ZBTB20: variants seen among roughly 807,000 people sequenced by gnomAD.
ZBTB20 encodes the protein zinc finger and BTB domain-containing protein 20.
ZBTB20 carries 9 observed loss-of-function variants against 56.9 expected under a neutral mutation model. The observed-to-expected ratio is 0.16, with a 90% CI of 0.10 to 0.28. The LOEUF (loss-of-function observed/expected upper bound fraction) is 0.28. Ranked by LOEUF, ZBTB20 falls within the 10% of genes least tolerant of loss-of-function variation. ZBTB20 has a pLI of 1.00. For missense variants in ZBTB20, 655 were observed against 1,003.0 expected (o/e 0.65, Z 4.69); for synonymous variants, 417 against 420.7 (o/e 0.99, Z 0.11).
intron 1 of ZBTB20, among the ~76,000 whole-genome samples, chr3:115,146,847 G>A (rs981006161): frequency 1.3e-5 from 2 of 152,072 alleles, no homozygotes; most frequent in Non-Finnish European, 2.9e-5. Context: ...GTAGAGAGAA[G>A]AAGGCAGAAG....
intron 7 of ZBTB20, among the ~76,000 whole-genome samples, chr3:114,409,597 C>T (rs901797921): frequency 1.3e-5 from 2 of 152,014 alleles, no homozygotes; most frequent in Admixed American, 1.3e-4. Context: ...GTTGATATAG[C>T]ACATTTTAGG....
rs552358857 is a variant in ZBTB20 at position 114,848,138 on chromosome 3, G to A, written c.-416-46964C>T. On this transcript the variant is annotated intron_variant, in intron 4 of 11. Transcript: ENST00000675478. ...ATTGTTCGTGCTGCCAGAGCCCCGC[G>A]TGTTTGCTAGCTCACCCGAGGTCCT... Among the ~76,000 whole-genome samples the A allele has an allele frequency of 2.2e-4, 33 of 152,224 alleles. 1 individual carries two copies. The South Asian group carries it at 3.7e-3, about 17-fold the overall frequency.
At chr3:114,342,416 T>G (rs1347132349) in intron 11 of ZBTB20, among the ~76,000 whole-genome samples, 1 of 152,294 alleles carries the variant, frequency 6.6e-6, no homozygotes, top group Non-Finnish European at 1.5e-5. Context: ...GGACACAAAG[T>G]AAAAAGTGGA....
At chr3:114,748,693 C>A (rs2067312349) in intron 5 of ZBTB20, among the ~76,000 whole-genome samples, 1 of 152,070 alleles carries the variant, frequency 6.6e-6, no homozygotes, top group African/African-American at 2.4e-5. Context: ...GGTTTGAAGG[C>A]CAGTCTTCTC....
At chr3:114,497,631 C>T (rs1422431560) in intron 7 of ZBTB20, among the ~76,000 whole-genome samples, 2 of 152,178 alleles carry the variant, frequency 1.3e-5, no homozygotes, top group African/African-American at 4.8e-5. Context: ...CTCCTTCATT[C>T]CTCTTACTAC....
At chr3:114,658,204 C>T (rs1663126344) in intron 6 of ZBTB20, 1 of 152,104 alleles carries the variant, frequency 6.6e-6, no homozygotes. Flanking sequence ...AAGAAAACTA[C>T]CTTAATGAAC....
At chr3:114,378,607 T>G (rs1232089907) in intron 10 of ZBTB20, among the ~76,000 whole-genome samples, 1 of 152,270 alleles carries the variant, frequency 6.6e-6, no homozygotes, top group Non-Finnish European at 1.5e-5. Flanking sequence ...AGAAGATTTC[T>G]AGCCTAAGGC....
intron 5 of ZBTB20, among the ~76,000 whole-genome samples, chr3:114,721,214 G>C (rs967815864): frequency 6.6e-6 from 1 of 152,094 alleles, no homozygotes; most frequent in Non-Finnish European, 1.5e-5. Context: ...TCTATTAAAG[G>C]CTTGTAAAGT....
intron 7 of ZBTB20, among the ~76,000 whole-genome samples, chr3:114,495,048 T>G (rs1434369018): frequency 6.6e-6 from 1 of 152,250 alleles, no homozygotes; most frequent in African/African-American, 2.4e-5. Flanking sequence ...GGCTCTTTCA[T>G]GAATGAAACC....
At chr3:115,061,993 CAATCTACATT>C (rs1446378900) in intron 2 of ZBTB20, among the ~76,000 whole-genome samples, 1 of 152,082 alleles carries the variant, frequency 6.6e-6, no homozygotes, top group Non-Finnish European at 1.5e-5. Context: ...AAATATAATC[CAATCTACATT>C]AATTGAACAT....
chr3:115,097,429 G>A (rs1482117312), intron 1 of ZBTB20, among the ~76,000 whole-genome samples: 6 of 151,868 alleles, frequency 4.0e-5, no homozygotes, highest in East Asian at 1.9e-4. Context: ...TGATCTGCCC[G>A]CCTCGGCCTC....
chr3:114,930,513 C>T (rs2076316980), intron 3 of ZBTB20: 1 of 154,582 alleles, frequency 6.5e-6, no homozygotes, highest in Admixed American at 6.5e-5. Flanking sequence ...GAAGGAGCCA[C>T]AACCCTGCAG....
intron 6 of ZBTB20, among the ~76,000 whole-genome samples, chr3:114,621,786 T>C (rs2058338695): frequency 6.6e-6 from 1 of 152,174 alleles, no homozygotes; most frequent in East Asian, 1.9e-4. Context: ...CAGTGCATTG[T>C]GAAGGCTTAT....
chr3:114,777,144 T>G (rs2069667096), intron 5 of ZBTB20, among the ~76,000 whole-genome samples: 1 of 152,162 alleles, frequency 6.6e-6, no homozygotes, highest in African/African-American at 2.4e-5. Context: ...CCTTTAGCTA[T>G]TCAAAGAAAA....
chr3:114,614,605 C>T (rs1351889319), intron 6 of ZBTB20, among the ~76,000 whole-genome samples: 1 of 152,168 alleles, frequency 6.6e-6, no homozygotes, highest in Non-Finnish European at 1.5e-5. Context: ...GATAATTCTG[C>T]TGGGATCTGG....
At chr3:114,563,622 C>T (rs1240496217) in intron 6 of ZBTB20, among the ~76,000 whole-genome samples, 1 of 152,078 alleles carries the variant, frequency 6.6e-6, no homozygotes, top group Non-Finnish European at 1.5e-5. Flanking sequence ...CTCTACAATC[C>T]TCCCTCCCTG....
intron 3 of ZBTB20, among the ~76,000 whole-genome samples, chr3:114,902,868 G>T (rs1019938348): frequency 2.6e-5 from 4 of 152,178 alleles, no homozygotes; most frequent in African/African-American, 9.6e-5. Flanking sequence ...GGAAAGAAAA[G>T]AAGATAGAGC....
chr3:114,396,322 T>G (rs1488969109), intron 7 of ZBTB20, among the ~76,000 whole-genome samples: 2 of 152,160 alleles, frequency 1.3e-5, no homozygotes, highest in Non-Finnish European at 2.9e-5. Context: ...CACAGTGGCA[T>G]TACTCCAGAT....
intron 7 of ZBTB20, among the ~76,000 whole-genome samples, chr3:114,494,145 C>G (rs1398959014): frequency 1.3e-5 from 2 of 152,198 alleles, no homozygotes; most frequent in South Asian, 2.1e-4. Context: ...GTATCTAAAG[C>G]AAGGCAAGCA....
Sources: allele counts gnomAD v4.1 joint callset (sites outside exome capture counted in the v4.1 genomes callset), GRCh38; gene constraint gnomAD v4.1.1; transcripts MANE v1.5; gene names NCBI Gene and HGNC (gene_info 2026-07-23, HGNC 2026-07-21).